OTUD3: variants seen among roughly 807,000 people sequenced by gnomAD.
OTUD3 encodes OTU domain-containing protein 3.
OTUD3 carries 24 observed loss-of-function variants against 46.2 expected under a neutral mutation model. That is an observed-to-expected ratio of 0.52 (90% confidence interval 0.38 to 0.73). The LOEUF (loss-of-function observed/expected upper bound fraction) is 0.73. OTUD3 is among the 30% of genes least tolerant of loss of function. The pLI is 0.00. For missense variants in OTUD3, 455 were observed against 523.3 expected, an observed-to-expected ratio of 0.87 and a Z score of 1.27; for synonymous variants, 189 against 195.4, an observed-to-expected ratio of 0.97 and a Z score of 0.27.
chr1:19,901,848 A>C (rs2045594029), intron 4 of OTUD3, among the ~76,000 whole-genome samples: 1 of 152,056 alleles, frequency 6.6e-6, no homozygotes, highest in Non-Finnish European at 1.5e-5. Context: ...TCAGTACTTC[A>C]TTCTTTTTTA....
At chr1:19,888,873 T>G (rs907918464) in intron 1 of OTUD3, among the ~76,000 whole-genome samples, 1 of 152,110 alleles carries the variant, frequency 6.6e-6, no homozygotes, top group Non-Finnish European at 1.5e-5. Flanking sequence ...TTGGTTGAGT[T>G]CATGTGGCAT....
rs2045432511 is a variant in OTUD3 at position 19,890,546 on chromosome 1, T to C, written c.370+13T>C. 2.5e-6 allele frequency: 4 copies of C among 1,612,664 alleles called. No individual in the cohort carries two copies. The highest frequency in any genetic ancestry group is 3.4e-6 in the Non-Finnish European group (4 of 1,178,720). On this transcript the variant is annotated intron_variant, in intron 2 of 7. Transcript: ENST00000375120. ...TTTGAGAAGCATGGTAGGTTCACTG[T>C]GGGACATTGTGTCCTTCAGGAGTAA...
chr1:19,898,543 A>G (rs974362815), intron 4 of OTUD3, among the ~76,000 whole-genome samples: 11 of 151,656 alleles, frequency 7.3e-5, no homozygotes, highest in African/African-American at 2.4e-4. Context: ...AGCCTGACCA[A>G]CACAGAGAAA....
At position 19,882,498 on chromosome 1, in the gene OTUD3, A is replaced by G; in HGVS notation, c.-16A>G. On this transcript the variant is annotated 5_prime_UTR_variant, in exon 1 of 8. Transcript: ENST00000375120. The stretch of plus-strand genomic sequence containing the variant: ...GCGCCTTTCCCTCCTGCCGCTGGGG[A>G]CTGCAGGCTAAGGCCATGTCCCGAA... 7.4e-7 allele frequency: 1 copy of G among 1,354,252 alleles called. No homozygotes were observed. The highest frequency in any genetic ancestry group is 9.4e-7 in the Non-Finnish European group (1 of 1,059,258). 83.9% of individuals were successfully genotyped at this position (1,354,252 alleles called of 1,614,324 possible).
intron 1 of OTUD3, among the ~76,000 whole-genome samples, chr1:19,885,840 C>T (rs1264183995): frequency 6.6e-6 from 1 of 152,164 alleles, no homozygotes; most frequent in Non-Finnish European, 1.5e-5. Context: ...ACATCTCTAG[C>T]GTTCCCTGTT....
intron 3 of OTUD3, 47 bp downstream of exon 3, chr1:19,894,527 C>T: frequency 1.1e-6 from 1 of 910,068 alleles, no homozygotes; most frequent in Non-Finnish European, 1.6e-6. Context: ...ATTTCTAAGT[C>T]AGCTTTGGGA....
At chr1:19,894,535 G>A in intron 3 of OTUD3, 55 bp downstream of exon 3, 3 of 1,081,320 alleles carry the variant, frequency 2.8e-6, no homozygotes, top group Non-Finnish European at 4.2e-6. Context: ...GTCAGCTTTG[G>A]GAATATCCGA....
Position 19,882,599 on chromosome 1 carries a change from C to G in OTUD3, c.86C>G (p.Ala29Gly). 7.0e-7 allele frequency: 1 copy of G among 1,424,342 alleles called. No individual in the cohort carries two copies. Among genetic ancestry groups the G allele is most frequent in the Non-Finnish European group, 9.1e-7 (1 of 1,093,000 alleles). The allele number at this position is 1,424,342 out of a possible 1,614,324, so 88.2% of individuals were successfully genotyped here. A position where few individuals can be genotyped will look rare whatever the true frequency, so the allele number is the denominator to read the frequency against. The change falls in exon 1 of 8, where the codon GCG becomes GGG. Residue 29 changes from alanine to glycine, a missense_variant. Transcript: ENST00000375120. ...EAERKRDERA[A>G]RRALAKERRN... ...GAGCGCAAGCGGGACGAGCGGGCGG[C>G]GCGCCGGGCCCTGGCCAAGGAGCGG...
Position 19,905,052 on chromosome 1 carries a change from A to AT in OTUD3, c.835+71dup, listed in dbSNP as rs553995070. 1.1e-3 allele frequency: 1,040 copies of AT among 931,286 alleles called. 10 individuals are homozygous for AT. The South Asian group carries it at 0.014, about 13-fold the overall frequency. 57.7% of individuals were successfully genotyped at this position (931,286 alleles called of 1,614,324 possible). On this transcript the variant is annotated intron_variant, in intron 6 of 7. Coordinates refer to ENST00000375120, the MANE Select transcript of OTUD3 (RefSeq NM_015207.2). ...TGTGTTGGTAATTTTCCAAATATTT[A>AT]TTTTTTAACCAAGTCACAGGTGGTA... is the stretch of plus-strand genomic sequence containing the variant.
At chr1:19,897,399 G>A in intron 3 of OTUD3, 141 bp from the exon 4 acceptor site, 1 of 667,646 alleles carries the variant, frequency 1.5e-6, no homozygotes, top group South Asian at 2.4e-5. Context: ...GAAATTGCTT[G>A]TGACATATCC....
chr1:19,896,677 T>C (rs1254689669), intron 3 of OTUD3, among the ~76,000 whole-genome samples: 2 of 152,192 alleles, frequency 1.3e-5, no homozygotes, highest in Non-Finnish European at 2.9e-5. Flanking sequence ...GTAAAAAGAA[T>C]GTGCTGATGT....
chr1:19,906,435 C>T lies in OTUD3; in HGVS notation c.839C>T (p.Ala280Val), dbSNP rs1365626813. ...LRMNQGKRNN[A>V]EENLEPSGRV... ...ATGAAATGTCTTTCTTTGGAAGATG[C>T]AGAAGAGAATCTTGAGCCCAGTGGT... The change falls in exon 7 of 8, where the codon GCA becomes GTA. Residue 280 changes from alanine to valine, a missense_variant. By Grantham distance (64) the Ala-to-Val change is moderately conservative (BLOSUM62 0). Coordinates refer to ENST00000375120, the MANE Select transcript of OTUD3 (RefSeq NM_015207.2). 1 of 1,613,488 alleles carries T rather than the reference C, an allele frequency of 6.2e-7. No homozygotes were observed. The highest frequency in any genetic ancestry group is 1.3e-5 in the African/African-American group (1 of 75,002).
chr1:19,891,514 G>A (rs1312618111), intron 2 of OTUD3, among the ~76,000 whole-genome samples: 1 of 151,780 alleles, frequency 6.6e-6, no homozygotes, highest in Non-Finnish European at 1.5e-5. Context: ...GAGTAGAGGA[G>A]GTCTCCATCA....
At chr1:19,894,268 G>T (rs769144909) in intron 2 of OTUD3, 100 bp from the exon 3 acceptor site, 2 of 636,074 alleles carry the variant, frequency 3.1e-6, no homozygotes. Context: ...GATATATATC[G>T]TTGTTTCTTA....
At chr1:19,902,027 C>T (rs72658588) in intron 4 of OTUD3, among the ~76,000 whole-genome samples, 94 of 152,064 alleles carry the variant, frequency 6.2e-4, no homozygotes, top group African/African-American at 2.1e-3. Flanking sequence ...TTGGATATAC[C>T]TCGGAGTGGA....
chr1:19,883,273 C>T (rs565295208), intron 1 of OTUD3, among the ~76,000 whole-genome samples: 24 of 152,298 alleles, frequency 1.6e-4, no homozygotes, highest in Admixed American at 5.9e-4. Flanking sequence ...TTCCATGGGC[C>T]TCAGTTTCTC....
intron 1 of OTUD3, among the ~76,000 whole-genome samples, chr1:19,889,541 T>C (rs2045419387): frequency 2.6e-5 from 4 of 152,230 alleles, no homozygotes; most frequent in African/African-American, 7.2e-5. Context: ...TTTATTTCTG[T>C]AGTTTTAAGG....
intron 1 of OTUD3, among the ~76,000 whole-genome samples, chr1:19,889,720 A>G (rs77724403): frequency 0.01 from 1,558 of 152,282 alleles, 13 homozygotes; most frequent in Middle Eastern, 0.017. Context: ...TAAAGTTTTC[A>G]TTTGGCAGGA....
chr1:19,884,319 C>G (rs1344633486), intron 1 of OTUD3, among the ~76,000 whole-genome samples: 4 of 152,244 alleles, frequency 2.6e-5, no homozygotes, highest in Non-Finnish European at 5.9e-5. Context: ...GAGTTGTAAA[C>G]TCTTGAGGGG....
Sources: allele counts gnomAD v4.1 joint callset (sites outside exome capture counted in the v4.1 genomes callset), GRCh38; gene constraint gnomAD v4.1.1; transcripts MANE v1.5; gene names NCBI Gene and HGNC (gene_info 2026-07-23, HGNC 2026-07-21).